Variants in ADGRL3 observed in about 807,000 individuals in gnomAD.
ADGRL3 encodes the protein calcium-independent alpha-latrotoxin receptor 3.
A neutral mutation model predicts 153.5 loss-of-function variants in ADGRL3; 62 were observed. The ratio of observed to expected loss-of-function variants is 0.40; its 90% CI spans 0.33 to 0.50. ADGRL3 has a LOEUF of 0.50. Among genes scored for constraint, ADGRL3 ranks in the 20% least tolerant of loss-of-function variants. The pLI is 0.47. For missense variants in ADGRL3, 1,641 were observed against 1,859.4 expected (o/e 0.88, Z 2.16); for synonymous variants, 710 against 672.5 (o/e 1.06, Z -0.86).
At chr4:61,378,965 C>A (rs914937687) in intron 1 of ADGRL3, among the ~76,000 whole-genome samples, 1 of 151,832 alleles carries the variant, frequency 6.6e-6, no homozygotes, top group African/African-American at 2.4e-5. Context: ...TATGTAATAA[C>A]CATGGTAATA....
chr4:61,964,650 A>C (rs2098999623), intron 17 of ADGRL3, among the ~76,000 whole-genome samples: 1 of 152,188 alleles, frequency 6.6e-6, no homozygotes, highest in Non-Finnish European at 1.5e-5. Context: ...AGTTTTAAGT[A>C]CAATCATAAA....
intron 15 of ADGRL3, among the ~76,000 whole-genome samples, chr4:61,938,101 T>G (rs2098846729): frequency 6.6e-6 from 1 of 152,116 alleles, no homozygotes; most frequent in South Asian, 2.1e-4. Flanking sequence ...GCATTAATTT[T>G]GGAGCAGAGA....
At chr4:61,599,330 T>C (rs2099001410) in intron 5 of ADGRL3, among the ~76,000 whole-genome samples, 1 of 152,168 alleles carries the variant, frequency 6.6e-6, no homozygotes, top group African/African-American at 2.4e-5. Context: ...TGAAACAAGG[T>C]AGGTCAGATA....
intron 4 of ADGRL3, among the ~76,000 whole-genome samples, chr4:61,545,870 A>G (rs1190934520): frequency 9.9e-6 from 1 of 101,500 alleles, no homozygotes. Flanking sequence ...AATCTTTCTT[A>G]TAACCAAAAC....
At chr4:61,586,856 A>G (rs913324933) in intron 4 of ADGRL3, among the ~76,000 whole-genome samples, 6 of 152,030 alleles carry the variant, frequency 3.9e-5, no homozygotes, top group African/African-American at 1.4e-4. Context: ...TGTTATTAAA[A>G]AGAAAGAAGA....
intron 17 of ADGRL3, among the ~76,000 whole-genome samples, chr4:61,973,048 GTA>G (rs1337145271): frequency 6.6e-6 from 1 of 151,358 alleles, no homozygotes; most frequent in Non-Finnish European, 1.5e-5. Flanking sequence ...CAATTAATTT[GTA>G]TAGTTTGTAT....
At chr4:61,447,793 A>G (rs1326495203) in intron 2 of ADGRL3, among the ~76,000 whole-genome samples, 1 of 152,144 alleles carries the variant, frequency 6.6e-6, no homozygotes, top group Non-Finnish European at 1.5e-5. Context: ...TGAACACCAA[A>G]CAGTTTAAGT....
chr4:61,294,496 G>A (rs1336961448), intron 1 of ADGRL3, among the ~76,000 whole-genome samples: 1 of 151,946 alleles, frequency 6.6e-6, no homozygotes, highest in South Asian at 2.1e-4. Context: ...GGGTTTATTG[G>A]GACCAAACCC....
rs77476977 is a variant in ADGRL3 at position 61,459,572 on chromosome 4, A to C, written c.-173-37549A>C. Among the ~76,000 whole-genome samples, 878 of 152,178 alleles carry C rather than the reference A, an allele frequency of 5.8e-3. 9 individuals are homozygous for C. The highest frequency in any genetic ancestry group is 0.02 in the African/African-American group (831 of 41,570). On this transcript the variant is annotated intron_variant, in intron 2 of 26. Transcript: ENST00000683033. ...TTTCCTTTCCTGTGAATAAATCCTC[A>C]GCAGTTGGATTGCTAGATCATATGG...
chr4:61,888,065 GAGAATTAAAATTTTCTTTGGGA>G (rs2098549605), intron 9 of ADGRL3, among the ~76,000 whole-genome samples: 1 of 152,110 alleles, frequency 6.6e-6, no homozygotes, highest in Non-Finnish European at 1.5e-5. Context: ...CAAAGGACAG[GAGAATTAAAATTTTCTTTGGGA>G]AGCAAGATTA....
chr4:61,958,433 C>G (rs2098976151), intron 17 of ADGRL3, among the ~76,000 whole-genome samples: 1 of 146,198 alleles, frequency 6.8e-6, no homozygotes, highest in African/African-American at 2.5e-5. Flanking sequence ...TTATTAGAAA[C>G]CACAACACTA....
chr4:61,449,229 T>C (rs189614480), intron 2 of ADGRL3, among the ~76,000 whole-genome samples: 1 of 151,970 alleles, frequency 6.6e-6, no homozygotes, highest in Non-Finnish European at 1.5e-5. Context: ...TCTGACTCCC[T>C]GGTTCAAGCA....
intron 8 of ADGRL3, among the ~76,000 whole-genome samples, chr4:61,797,093 A>G (rs182352391): frequency 6.6e-6 from 1 of 152,278 alleles, no homozygotes; most frequent in African/African-American, 2.4e-5. Flanking sequence ...GAGATTTCTC[A>G]GAAGCCCTTG....
intron 5 of ADGRL3, among the ~76,000 whole-genome samples, chr4:61,588,175 A>T (rs898797494): frequency 1.3e-5 from 2 of 151,848 alleles, no homozygotes; most frequent in African/African-American, 4.8e-5. Flanking sequence ...ATGCTTTCTC[A>T]GAAATCAGGG....
At chr4:62,002,723 A>G (rs1581827502) in intron 21 of ADGRL3, among the ~76,000 whole-genome samples, 1 of 152,140 alleles carries the variant, frequency 6.6e-6, no homozygotes, top group Non-Finnish European at 1.5e-5. Context: ...TCATCCAAAT[A>G]GGTAATTATA....
Position 61,777,384 on chromosome 4 carries a change from A to G in ADGRL3, c.1400-36425A>G, listed in dbSNP as rs116130322. ...AAAAAAGGTTTTTTAATTACTCACTATATACCTTTTTATTTTATGTAGTAC... is the reference window on the plus strand; with the variant it reads ...AAAAAAGGTTTTTTAATTACTCACTGTATACCTTTTTATTTTATGTAGTAC... On this transcript the variant is annotated intron_variant, in intron 8 of 26. Transcript: ENST00000683033. Among the ~76,000 whole-genome samples, 734 of 152,202 alleles carry G rather than the reference A, an allele frequency of 4.8e-3. 8 individuals carry two copies. The highest frequency in any genetic ancestry group is 0.016 in the African/African-American group (682 of 41,532).
intron 2 of ADGRL3, among the ~76,000 whole-genome samples, chr4:61,444,032 A>G (rs898643174): frequency 2.6e-5 from 4 of 152,192 alleles, no homozygotes; most frequent in East Asian, 3.8e-4. Context: ...ATGTATTTAT[A>G]TTTTGTAATA....
intron 4 of ADGRL3, among the ~76,000 whole-genome samples, chr4:61,532,538 G>T (rs539010647): frequency 0.021 from 897 of 43,022 alleles, 10 homozygotes; most frequent in African/African-American, 0.06. Flanking sequence ...GCATGCGCGC[G>T]CGCGCGCGCG....
At chr4:61,306,533 C>A (rs13119161) in intron 1 of ADGRL3, among the ~76,000 whole-genome samples, 2 of 151,940 alleles carry the variant, frequency 1.3e-5, no homozygotes, top group South Asian at 2.1e-4. Context: ...GTTTTAAAAC[C>A]ATGGCTACTA....
Sources: allele counts gnomAD v4.1 joint callset (sites outside exome capture counted in the v4.1 genomes callset), GRCh38; gene constraint gnomAD v4.1.1; transcripts MANE v1.5; gene names NCBI Gene and HGNC (gene_info 2026-07-23, HGNC 2026-07-21).